The following CYSTM1 variants were observed in gnomAD, a reference collection of about 807,000 sequenced individuals.
CYSTM1 encodes cysteine-rich transmembrane module-containing protein 1.
Under a neutral mutation model 13.1 loss-of-function variants are expected in CYSTM1, and 4 were observed. That is an observed-to-expected ratio of 0.31 (90% confidence interval 0.15 to 0.70). The LOEUF (loss-of-function observed/expected upper bound fraction) is 0.70, where lower values mean the gene tolerates loss of function less well. CYSTM1 is among the 30% of genes least tolerant of loss of function. The pLI is 0.72. For missense variants in CYSTM1, 96 were observed against 121.6 expected, an observed-to-expected ratio of 0.79 and a Z score of 0.99; for synonymous variants, 36 against 42.7, an observed-to-expected ratio of 0.84 and a Z score of 0.62.
At chr5:140,183,421 GA>G (rs1365877588) in intron 1 of CYSTM1, among the ~76,000 whole-genome samples, 1 of 152,090 alleles carries the variant, frequency 6.6e-6, no homozygotes, top group Non-Finnish European at 1.5e-5. Context: ...TTCTCACTTT[GA>G]GGGTTGACTA....
chr5:140,240,933 C>T (rs1764740052), intron 2 of CYSTM1, among the ~76,000 whole-genome samples: 1 of 152,186 alleles, frequency 6.6e-6, no homozygotes, highest in Admixed American at 6.5e-5. Context: ...TGAAAAGGTC[C>T]TAAGGCTTTT....
chr5:140,242,687 T>C (rs34675890), intron 2 of CYSTM1, among the ~76,000 whole-genome samples: 35,041 of 151,780 alleles, frequency 0.23, 4,039 homozygotes, highest in African/African-American at 0.25. Flanking sequence ...CCAGCTCCAT[T>C]TGGAGGAAAA....
intron 2 of CYSTM1, among the ~76,000 whole-genome samples, chr5:140,218,034 C>T (rs1479941082): frequency 2.0e-5 from 3 of 152,090 alleles, no homozygotes; most frequent in African/African-American, 2.4e-5. Flanking sequence ...AAAGTGGTGA[C>T]TGTGAGAGTT....
intron 1 of CYSTM1, among the ~76,000 whole-genome samples, chr5:140,186,820 G>A (rs1251086797): frequency 6.6e-6 from 1 of 152,104 alleles, no homozygotes. Context: ...GAGATGATAT[G>A]GCAGTATAAA....
chr5:140,242,688 T>C (rs1764765411), intron 2 of CYSTM1, among the ~76,000 whole-genome samples: 1 of 152,134 alleles, frequency 6.6e-6, no homozygotes, highest in African/African-American at 2.4e-5. Context: ...CAGCTCCATT[T>C]GGAGGAAAAG....
chr5:140,182,963 A>G (rs1300310669), intron 1 of CYSTM1, among the ~76,000 whole-genome samples: 1 of 152,202 alleles, frequency 6.6e-6, no homozygotes, highest in Non-Finnish European at 1.5e-5. Flanking sequence ...GAGGGTCAGG[A>G]GAGCGTGCTT....
chr5:140,181,325 C>CT (rs1763960101), intron 1 of CYSTM1, among the ~76,000 whole-genome samples: 1 of 152,188 alleles, frequency 6.6e-6, no homozygotes, highest in African/African-American at 2.4e-5. Context: ...CTCTTCCCCA[C>CT]TAACAGCCTT....
intron 2 of CYSTM1, among the ~76,000 whole-genome samples, chr5:140,199,631 C>CA (rs1764203363): frequency 6.6e-6 from 1 of 152,240 alleles, no homozygotes; most frequent in African/African-American, 2.4e-5. Flanking sequence ...GCTGGGATTA[C>CA]AGGCATGCGC....
chr5:140,201,935 T>C (rs1044428393), intron 2 of CYSTM1: 3 of 107,108 alleles, frequency 2.8e-5, no homozygotes, highest in African/African-American at 9.0e-5. Flanking sequence ...TAATACTCTT[T>C]TTTTTTTTTT....
At chr5:140,210,953 T>C (rs1298645488) in intron 2 of CYSTM1, among the ~76,000 whole-genome samples, 1 of 152,194 alleles carries the variant, frequency 6.6e-6, no homozygotes, top group Non-Finnish European at 1.5e-5. Flanking sequence ...TTTGGAACTA[T>C]AAAGAACTCT....
intron 1 of CYSTM1, among the ~76,000 whole-genome samples, chr5:140,176,114 G>C (rs1340013575): frequency 6.6e-6 from 1 of 152,172 alleles, no homozygotes. Context: ...GGACCCTTGA[G>C]TGCCCACCTG....
chr5:140,194,464 C>T lies in CYSTM1; in HGVS notation c.-2C>T, dbSNP rs139552361. On this transcript the variant is annotated 5_prime_UTR_variant, in exon 2 of 3. Transcript: ENST00000261811. ...CTCTTAGGTGCACTTTACAGGTCCC[C>T]GATGAACCAAGAGAACCCTCCACCA... 4.4e-4 allele frequency: 697 copies of T among 1,580,444 alleles called. 1 individual carries two copies. The highest frequency in any genetic ancestry group is 4.8e-4 in the Non-Finnish European group (564 of 1,170,180).
intron 1 of CYSTM1, among the ~76,000 whole-genome samples, chr5:140,189,853 G>A (rs1288260985): frequency 6.6e-6 from 1 of 151,934 alleles, no homozygotes; most frequent in Non-Finnish European, 1.5e-5. Context: ...ATGAATATTT[G>A]GTATACTTTC....
rs192402591 is a variant in CYSTM1 at position 140,177,614 on chromosome 5, C to T, written c.-21+2329C>T. On this transcript the variant is annotated intron_variant, in intron 1 of 2. Transcript: ENST00000261811. ...AAGGAGTGCAAATCCAGGGTGAGAC[C>T]TGGGGAAACGGGACTTCCAGTCAGA... is the stretch of plus-strand genomic sequence containing the variant. Among the ~76,000 whole-genome samples, 810 of 152,272 alleles carry T rather than the reference C, an allele frequency of 5.3e-3. 4 individuals are homozygous for T. The highest frequency in any genetic ancestry group is 9.0e-3 in the Non-Finnish European group (614 of 68,024).
At position 140,229,111 on chromosome 5, in the gene CYSTM1, T is replaced by C. The variant is rs147375553; in HGVS notation, c.188-14194T>C. Among the ~76,000 whole-genome samples, 658 of 152,356 alleles carry C rather than the reference T, an allele frequency of 4.3e-3. 3 individuals carry two copies. Among genetic ancestry groups the C allele is most frequent in the African/African-American group, 0.015 (604 of 41,578 alleles). On this transcript the variant is annotated intron_variant, in intron 2 of 2. Coordinates refer to ENST00000261811, the MANE Select transcript of CYSTM1 (RefSeq NM_032412.4). ...TTAGCCTGTCTTTTCTGTTGGTTTGTCTTACTGATTTGTAGAGAATTTCTA... is the reference window on the plus strand; with the variant it reads ...TTAGCCTGTCTTTTCTGTTGGTTTGCCTTACTGATTTGTAGAGAATTTCTA...
intron 2 of CYSTM1, among the ~76,000 whole-genome samples, chr5:140,216,887 G>GACACACAC (rs34809186): frequency 6.6e-6 from 1 of 150,690 alleles, no homozygotes; most frequent in African/African-American, 2.4e-5. Flanking sequence ...CTCCCTCTAT[G>GACACACAC]ACACACACAC....
At chr5:140,213,437 T>C (rs923237977) in intron 2 of CYSTM1, among the ~76,000 whole-genome samples, 3 of 152,132 alleles carry the variant, frequency 2.0e-5, no homozygotes, top group African/African-American at 7.2e-5. Flanking sequence ...AGGTTAGTTA[T>C]TGAAGAAAGA....
intron 2 of CYSTM1, among the ~76,000 whole-genome samples, chr5:140,226,537 T>C (rs1418083255): frequency 8.2e-6 from 1 of 122,292 alleles, no homozygotes; most frequent in African/African-American, 3.1e-5. Context: ...TATATTTATA[T>C]ATATTAATAA....
rs1429323831 is a variant in CYSTM1, at chr5:140,239,810, G to A, written c.188-3495G>A. On this transcript the variant is annotated intron_variant, in intron 2 of 2. Transcript: ENST00000261811. The surrounding 1 kb of genome is among the most constrained non-coding windows in gnomAD (Gnocchi z 5.4). ...AGGGTTGATTCAAAGGGCTGACTGC[G>A]GGCAAGAGAGGCAAGCCAGTGCAGG... Among the ~76,000 whole-genome samples, 1 of 152,210 alleles carries A rather than the reference G, an allele frequency of 6.6e-6. No individual in the cohort carries two copies. The highest frequency in any genetic ancestry group is 1.5e-5 in the Non-Finnish European group (1 of 68,042).
Sources: allele counts gnomAD v4.1 joint callset (sites outside exome capture counted in the v4.1 genomes callset), GRCh38; gene constraint gnomAD v4.1.1; non-coding constraint Gnocchi (gnomAD v3.1); transcripts MANE v1.5; gene names NCBI Gene and HGNC (gene_info 2026-07-23, HGNC 2026-07-21).